The following CLINT1 variants were observed in gnomAD, a reference collection of about 807,000 sequenced individuals.
CLINT1 encodes the protein clathrin interacting protein localized in the trans-Golgi region.
A neutral mutation model predicts 70.4 loss-of-function variants in CLINT1; 15 were observed. The ratio of observed to expected loss-of-function variants is 0.21; its 90% CI spans 0.14 to 0.33. The LOEUF (loss-of-function observed/expected upper bound fraction) is 0.33, where lower values mean the gene tolerates loss of function less well. Ranked by LOEUF, CLINT1 falls within the 10% of genes least tolerant of loss-of-function variation. The pLI, the probability that CLINT1 is intolerant of heterozygous loss-of-function variation, is 1.00. For missense variants in CLINT1, 615 were observed against 778.1 expected (o/e 0.79, Z 2.49); for synonymous variants, 227 against 254.7 (o/e 0.89, Z 1.04).
intron 1 of CLINT1, among the ~76,000 whole-genome samples, chr5:157,841,804 T>C (rs1224468323): frequency 1.3e-5 from 2 of 152,158 alleles, no homozygotes; most frequent in African/African-American, 2.4e-5. Context: ...GCTAATTTTA[T>C]ATTTTTTGTA....
chr5:157,814,184 C>T lies in CLINT1; in HGVS notation c.352+1G>A. The T allele has an allele frequency of 6.3e-7, 1 of 1,592,946 alleles. No homozygotes were observed. The highest frequency in any genetic ancestry group is 8.6e-7 in the Non-Finnish European group (1 of 1,164,928). On this transcript the variant is annotated splice_donor_variant, in intron 4 of 11. Coordinates refer to ENST00000411809, the MANE Select transcript of CLINT1 (RefSeq NM_014666.4). LOFTEE classifies it high-confidence loss of function. The stretch of plus-strand genomic sequence containing the variant: ...GCTTATAAGGTTTTTCTATTGCTTA[C>T]CTACAAAGTGGTAATTTTCCAGGGA...
At chr5:157,792,102 T>G in intron 9 of CLINT1, 107 bp from the exon 10 acceptor site, 1 of 883,924 alleles carries the variant, frequency 1.1e-6, no homozygotes, top group Non-Finnish European at 1.7e-6. Flanking sequence ...TCCCCCAGAT[T>G]AACATCTGCA....
At chr5:157,813,306 C>A in intron 4 of CLINT1, 79 bp from the exon 5 acceptor site, 1 of 1,284,830 alleles carries the variant, frequency 7.8e-7, no homozygotes, top group Non-Finnish European at 1.0e-6. Flanking sequence ...AAAAAAAAGA[C>A]ACAAAAACTT....
intron 6 of CLINT1, among the ~76,000 whole-genome samples, chr5:157,806,325 A>G (rs920439041): frequency 2.6e-5 from 4 of 152,234 alleles, no homozygotes; most frequent in Non-Finnish European, 4.4e-5. Flanking sequence ...AATATCCTAT[A>G]TAAGTCTAAA....
chr5:157,830,747 C>CCT (rs755254561), intron 1 of CLINT1, among the ~76,000 whole-genome samples: 5,683 of 89,514 alleles, frequency 0.063, 153 homozygotes, highest in African/African-American at 0.089. Context: ...CCTGCCCCTC[C>CCT]CTCTCTCTCC....
At chr5:157,793,043 GAAT>G (rs777391446) in intron 9 of CLINT1, among the ~76,000 whole-genome samples, 17 of 152,204 alleles carry the variant, frequency 1.1e-4, no homozygotes, top group South Asian at 2.1e-4. Context: ...TATCAAAAGA[GAAT>G]AATAAGGTGA....
intron 1 of CLINT1, among the ~76,000 whole-genome samples, chr5:157,857,704 A>G (rs1396354184): frequency 1.3e-5 from 2 of 152,174 alleles, no homozygotes; most frequent in Non-Finnish European, 2.9e-5. Context: ...AACTTCCCCA[A>G]GGTTATAAAG....
At chr5:157,844,244 C>T (rs1753292893) in intron 1 of CLINT1, among the ~76,000 whole-genome samples, 1 of 151,998 alleles carries the variant, frequency 6.6e-6, no homozygotes, top group Non-Finnish European at 1.5e-5. Flanking sequence ...CTCAAGTTCT[C>T]AAAAAAGAAA....
intron 8 of CLINT1, chr5:157,795,596 T>C (rs1485923341): frequency 1.3e-5 from 2 of 151,822 alleles, no homozygotes; most frequent in Non-Finnish European, 2.9e-5. Context: ...TCCTCTCAGA[T>C]GATACAGATG....
intron 1 of CLINT1, among the ~76,000 whole-genome samples, chr5:157,837,883 C>T (rs112001808): frequency 0.13 from 19,823 of 151,872 alleles, 1,524 homozygotes; most frequent in Non-Finnish European, 0.19. Flanking sequence ...ACCTCGTGAT[C>T]CACCAGCCTT....
intron 9 of CLINT1, among the ~76,000 whole-genome samples, chr5:157,794,162 A>G (rs1390369481): frequency 6.6e-6 from 1 of 152,138 alleles, no homozygotes; most frequent in Non-Finnish European, 1.5e-5. Context: ...ACATACCTCT[A>G]TAGACACTAT....
intron 5 of CLINT1, among the ~76,000 whole-genome samples, chr5:157,812,323 C>T (rs1762588820): frequency 6.6e-6 from 1 of 152,164 alleles, no homozygotes; most frequent in South Asian, 2.1e-4. Context: ...TCTGCACATA[C>T]ACAAAATGAG....
rs536245466 is a variant in CLINT1 at position 157,848,796 on chromosome 5, G to A, written c.41+10134C>T. ...CCTGCCTCACACTCCTGAGTAGCAG[G>A]GATCACAGGCGCCCGCCACCACGCC... is the stretch of plus-strand genomic sequence containing the variant. On this transcript the variant is annotated intron_variant, in intron 1 of 11. Transcript: ENST00000411809. Among the ~76,000 whole-genome samples the A allele has an allele frequency of 8.0e-4, 122 of 152,284 alleles. 1 individual carries two copies. The highest frequency in any genetic ancestry group is 2.6e-3 in the African/African-American group (108 of 41,552).
chr5:157,813,308 C>T (rs566719928), intron 4 of CLINT1, 81 bp from the exon 5 acceptor site: 39 of 1,256,858 alleles, frequency 3.1e-5, no homozygotes, highest in African/African-American at 3.0e-4. Context: ...AAAAAAGACA[C>T]AAAAACTTCA....
chr5:157,858,783 G>A (rs1166020953), intron 1 of CLINT1, 147 bp downstream of exon 1: 4 of 805,298 alleles, frequency 5.0e-6, no homozygotes, highest in Admixed American at 5.4e-5. Context: ...ATGAGGCCCG[G>A]GGCCGGGAAG....
chr5:157,786,170 G>C lies in CLINT1; in HGVS notation c.*1476C>G, dbSNP rs1045907834. Reference sequence around the variant, plus strand: ...CAGTAGAGTCTGATAGGAAAGAATAGAGAAGTCATTAAATAATTTTAAATT... The same window carrying C: ...CAGTAGAGTCTGATAGGAAAGAATACAGAAGTCATTAAATAATTTTAAATT... On this transcript the variant is annotated 3_prime_UTR_variant, in exon 12 of 12. Transcript: ENST00000411809. The C allele has an allele frequency of 1.3e-5, 2 of 152,102 alleles. No homozygotes were observed. Among genetic ancestry groups the C allele is most frequent in the Non-Finnish European group, 2.9e-5 (2 of 68,000 alleles). The allele number at this position is 152,102 out of a possible 1,614,324, so 9.4% of individuals were successfully genotyped here.
At chr5:157,806,323 A>G (rs1762382930) in intron 6 of CLINT1, among the ~76,000 whole-genome samples, 1 of 152,228 alleles carries the variant, frequency 6.6e-6, no homozygotes, top group Admixed American at 6.5e-5. Flanking sequence ...AGAATATCCT[A>G]TATAAGTCTA....
chr5:157,799,779 C>T (rs1762160386), intron 8 of CLINT1, among the ~76,000 whole-genome samples: 1 of 152,066 alleles, frequency 6.6e-6, no homozygotes, highest in African/African-American at 2.4e-5. Flanking sequence ...GGTACTTACA[C>T]AAACCTAGTT....
intron 10 of CLINT1, chr5:157,790,572 T>C: frequency 2.3e-6 from 1 of 443,438 alleles, no homozygotes; most frequent in East Asian, 7.1e-5. Context: ...ATACATTAGG[T>C]CTTATTTCTG....
Sources: allele counts gnomAD v4.1 joint callset (sites outside exome capture counted in the v4.1 genomes callset), GRCh38; gene constraint gnomAD v4.1.1; transcripts MANE v1.5; gene names NCBI Gene and HGNC (gene_info 2026-07-23, HGNC 2026-07-21).